SDK1: variants seen among roughly 807,000 people sequenced by gnomAD.
SDK1 encodes the protein sidekick cell adhesion molecule 1, also known as protein sidekick-1.
SDK1 carries 157 observed loss-of-function variants against 245.5 expected under a neutral mutation model. That is an observed-to-expected ratio of 0.64 (90% CI 0.56 to 0.73). The LOEUF (loss-of-function observed/expected upper bound fraction) is 0.73, where lower values mean the gene tolerates loss of function less well. Ranked by LOEUF, SDK1 falls within the 30% of genes least tolerant of loss-of-function variation. The pLI, the probability that SDK1 is intolerant of heterozygous loss-of-function variation, is 0.00. For synonymous variants in SDK1, 1,647 were observed against 1,278.5 expected (o/e 1.29, Z -6.15); for missense variants, 3,583 against 3,002.3 (o/e 1.19, Z -4.52).
chr7:3,576,856 G>T (rs942737609), intron 1 of SDK1, among the ~76,000 whole-genome samples: 5 of 152,040 alleles, frequency 3.3e-5, no homozygotes, highest in Admixed American at 6.6e-5. Flanking sequence ...CAAAGCAGAA[G>T]TTGGTTACTA....
intron 1 of SDK1, among the ~76,000 whole-genome samples, chr7:3,614,517 G>C (rs952886835): frequency 6.6e-6 from 1 of 152,142 alleles, no homozygotes; most frequent in Non-Finnish European, 1.5e-5. Context: ...AATCATTTCA[G>C]GATGTTCTCT....
chr7:3,655,231 C>G (rs768432088), intron 4 of SDK1, among the ~76,000 whole-genome samples: 16 of 150,960 alleles, frequency 1.1e-4, no homozygotes, highest in Non-Finnish European at 2.2e-4. Flanking sequence ...GTTGGGAGTT[C>G]AAGACCAGCC....
chr7:3,304,179 G>A (rs577065984), intron 1 of SDK1, among the ~76,000 whole-genome samples: 3 of 152,188 alleles, frequency 2.0e-5, no homozygotes, highest in South Asian at 2.1e-4. Flanking sequence ...AATATGCCCT[G>A]GAGTTTCTTC....
chr7:3,442,396 A>G (rs1465470798), intron 1 of SDK1, among the ~76,000 whole-genome samples: 2 of 152,218 alleles, frequency 1.3e-5, no homozygotes, highest in East Asian at 1.9e-4. Context: ...AAAGACCACA[A>G]ATGGAATGGT....
intron 4 of SDK1, among the ~76,000 whole-genome samples, chr7:3,800,047 A>G (rs1275116358): frequency 6.6e-6 from 1 of 152,154 alleles, no homozygotes; most frequent in Non-Finnish European, 1.5e-5. Flanking sequence ...GTGATTTTAT[A>G]AAACAGATGT....
At chr7:3,472,597 T>C (rs1346687010) in intron 1 of SDK1, among the ~76,000 whole-genome samples, 3 of 152,244 alleles carry the variant, frequency 2.0e-5, no homozygotes, top group Non-Finnish European at 4.4e-5. Flanking sequence ...AAATGATTAC[T>C]TCCCTATGTC....
At chr7:3,711,627 A>G (rs1446516549) in intron 4 of SDK1, among the ~76,000 whole-genome samples, 2 of 152,194 alleles carry the variant, frequency 1.3e-5, no homozygotes, top group African/African-American at 4.8e-5. Context: ...GACATGTTCA[A>G]AGAGCCCAAA....
At chr7:3,478,691 AT>A (rs1479464898) in intron 1 of SDK1, among the ~76,000 whole-genome samples, 1 of 151,706 alleles carries the variant, frequency 6.6e-6, no homozygotes, top group African/African-American at 2.4e-5. Context: ...ATCTTTATTT[AT>A]TTTTGCTCTT....
At chr7:3,949,810 A>G (rs1780726610) in intron 5 of SDK1, among the ~76,000 whole-genome samples, 1 of 152,234 alleles carries the variant, frequency 6.6e-6, no homozygotes, top group African/African-American at 2.4e-5. Flanking sequence ...TACTCAAAAA[A>G]CATAGATTCA....
At chr7:3,507,374 G>T (rs1782426639) in intron 1 of SDK1, among the ~76,000 whole-genome samples, 1 of 152,128 alleles carries the variant, frequency 6.6e-6, no homozygotes, top group African/African-American at 2.4e-5. Context: ...AAATTGCTCT[G>T]ATCTCTGTGT....
intron 1 of SDK1, among the ~76,000 whole-genome samples, chr7:3,526,352 A>G (rs1221256893): frequency 2.0e-5 from 3 of 152,170 alleles, no homozygotes; most frequent in Non-Finnish European, 4.4e-5. Flanking sequence ...GTAATCTGGC[A>G]ATATTTTTCA....
intron 25 of SDK1, among the ~76,000 whole-genome samples, chr7:4,123,160 G>T (rs999293023): frequency 6.6e-6 from 1 of 152,202 alleles, no homozygotes; most frequent in African/African-American, 2.4e-5. Flanking sequence ...GTTTCCCACA[G>T]GAAGCAGTTA....
intron 1 of SDK1, among the ~76,000 whole-genome samples, chr7:3,403,164 C>T (rs1302871420): frequency 6.6e-6 from 1 of 152,020 alleles, no homozygotes; most frequent in Non-Finnish European, 1.5e-5. Flanking sequence ...GAACTCCTGA[C>T]CTCAGGTGAT....
intron 4 of SDK1, among the ~76,000 whole-genome samples, chr7:3,810,538 A>G (rs1779359258): frequency 6.6e-6 from 1 of 152,340 alleles, no homozygotes; most frequent in Non-Finnish European, 1.5e-5. Context: ...GATAAGTACA[A>G]ATTGACTGAA....
chr7:4,245,544 G>T, intron 43 of SDK1, 132 bp from the exon 44 acceptor site: 1 of 1,043,442 alleles, frequency 9.6e-7, no homozygotes. Context: ...TGCATCAGTT[G>T]CCAAAGTGAT....
rs759552823 is a variant in SDK1 at position 3,969,385 on chromosome 7, G to A, written c.1675G>A (p.Glu559Lys). The A allele has an allele frequency of 1.2e-6, 2 of 1,608,402 alleles. No homozygotes were observed. The highest frequency in any genetic ancestry group is 1.7e-6 in the Non-Finnish European group (2 of 1,177,520). Residue 559 changes from glutamate (E) to lysine (K), a missense_variant, in exon 11 of 45, where the codon GAG (glutamate) becomes AAG (lysine). Transcript: ENST00000404826. Reference sequence around the variant, plus strand: ...CTACACCTGCTATGCGGCCAACACAGAGGGCTCCCTGAATGCATCGGCCAC... The same window carrying A: ...CTACACCTGCTATGCGGCCAACACAAAGGGCTCCCTGAATGCATCGGCCAC... Reference protein sequence around the residue: ...GNYTCYAANTEGSLNASATLT... With the variant: ...GNYTCYAANTKGSLNASATLT...
intron 5 of SDK1, among the ~76,000 whole-genome samples, chr7:3,838,673 C>T (rs537806053): frequency 2.6e-5 from 4 of 152,290 alleles, no homozygotes; most frequent in East Asian, 1.9e-4. Flanking sequence ...CTGAACACAG[C>T]GATCTGAGGG....
intron 1 of SDK1, among the ~76,000 whole-genome samples, chr7:3,327,908 C>T (rs1322620897): frequency 2.6e-5 from 4 of 152,178 alleles, no homozygotes; most frequent in Middle Eastern, 3.4e-3. Flanking sequence ...CTATAGTTGT[C>T]GTTCTGTCGT....
chr7:3,622,937 T>C (rs1781989456), intron 2 of SDK1, among the ~76,000 whole-genome samples: 1 of 152,098 alleles, frequency 6.6e-6, no homozygotes, highest in Non-Finnish European at 1.5e-5. Flanking sequence ...TCTAAAAATC[T>C]CATACTATTT....
Sources: allele counts gnomAD v4.1 joint callset (sites outside exome capture counted in the v4.1 genomes callset), GRCh38; gene constraint gnomAD v4.1.1; transcripts MANE v1.5; gene names NCBI Gene and HGNC (gene_info 2026-07-23, HGNC 2026-07-21).